NDRG3: variants seen among roughly 807,000 people sequenced by gnomAD.
NDRG3 encodes the protein protein NDRG3.
A neutral mutation model predicts 57.2 loss-of-function variants in NDRG3; 23 were observed. The ratio of observed to expected loss-of-function variants is 0.40; its 90% CI spans 0.29 to 0.57. NDRG3 has a LOEUF of 0.57. Among genes scored for constraint, NDRG3 ranks in the 20% least tolerant of loss-of-function variants. The pLI, the probability that NDRG3 is intolerant of heterozygous loss-of-function variation, is 0.42. For synonymous variants in NDRG3, 132 were observed against 162.6 expected, an observed-to-expected ratio of 0.81 and a Z score of 1.43; for missense variants, 384 against 457.3, an observed-to-expected ratio of 0.84 and a Z score of 1.46.
chr20:36,718,799 G>C (rs2148192360), intron 2 of NDRG3, among the ~76,000 whole-genome samples: 1 of 152,188 alleles, frequency 6.6e-6, no homozygotes, highest in Admixed American at 6.5e-5. Flanking sequence ...TCGCAGCTCA[G>C]CCTCCCAAGT....
chr20:36,742,231 C>T (rs1005012916), intron 1 of NDRG3, among the ~76,000 whole-genome samples: 1 of 152,180 alleles, frequency 6.6e-6, no homozygotes, highest in African/African-American at 2.4e-5. Flanking sequence ...ACCATAACCT[C>T]CTTGAAGACA....
At chr20:36,679,763 C>T (rs1981088462) in intron 8 of NDRG3, among the ~76,000 whole-genome samples, 1 of 152,028 alleles carries the variant, frequency 6.6e-6, no homozygotes, top group Admixed American at 6.6e-5. Flanking sequence ...CTTGACCTCC[C>T]AAAGTGCTGG....
At chr20:36,741,704 T>C (rs1200707608) in intron 1 of NDRG3, among the ~76,000 whole-genome samples, 1 of 152,194 alleles carries the variant, frequency 6.6e-6, no homozygotes, top group African/African-American at 2.4e-5. Context: ...AGTTTCTGAC[T>C]CTAGCTGCTC....
At chr20:36,664,662 C>T (rs1979465987) in intron 12 of NDRG3, among the ~76,000 whole-genome samples, 1 of 152,130 alleles carries the variant, frequency 6.6e-6, no homozygotes, top group Non-Finnish European at 1.5e-5. Context: ...CTAGTATTTA[C>T]CGACTGTTTC....
intron 3 of NDRG3, among the ~76,000 whole-genome samples, chr20:36,701,450 C>A (rs774775528): frequency 2.0e-4 from 31 of 151,412 alleles, no homozygotes; most frequent in Non-Finnish European, 3.8e-4. Flanking sequence ...GAGGCTGAAG[C>A]GGGAAGATTG....
intron 1 of NDRG3, among the ~76,000 whole-genome samples, chr20:36,729,648 C>G (rs1163323161): frequency 1.3e-5 from 2 of 152,098 alleles, no homozygotes; most frequent in Non-Finnish European, 1.5e-5. Context: ...TTACCTCACC[C>G]TTCCAAGTAG....
chr20:36,661,566 AG>A (rs1051677281), intron 12 of NDRG3, among the ~76,000 whole-genome samples: 7 of 152,218 alleles, frequency 4.6e-5, no homozygotes, highest in African/African-American at 1.7e-4. Flanking sequence ...TAAAGGGAAA[AG>A]GTGAGTGTTT....
intron 1 of NDRG3, among the ~76,000 whole-genome samples, chr20:36,734,004 G>A (rs1006764784): frequency 6.6e-6 from 1 of 152,314 alleles, no homozygotes; most frequent in African/African-American, 2.4e-5. Context: ...ATGGCACCGT[G>A]AGCTAAAACA....
At chr20:36,660,538 A>ATTTATT (rs1568622409) in intron 12 of NDRG3, among the ~76,000 whole-genome samples, 154 bp from the exon 13 acceptor site, 1 of 149,942 alleles carries the variant, frequency 6.7e-6, no homozygotes, top group African/African-American at 2.5e-5. Context: ...AGTGGGAGAT[A>ATTTATT]TATTTATTTA....
chr20:36,746,003 C>A, intron 1 of NDRG3, 42 bp downstream of exon 1: 2 of 309,858 alleles, frequency 6.5e-6, no homozygotes. Flanking sequence ...CCGAATGCGG[C>A]GCCGCGCGCC....
At chr20:36,705,921 T>A (rs919025510) in intron 3 of NDRG3, among the ~76,000 whole-genome samples, 18 of 151,972 alleles carry the variant, frequency 1.2e-4, no homozygotes, top group Non-Finnish European at 4.4e-5. Context: ...ATTTTTGTAT[T>A]TTTAGTAGAG....
chr20:36,704,697 C>T (rs1310788175), intron 3 of NDRG3, among the ~76,000 whole-genome samples: 2 of 152,144 alleles, frequency 1.3e-5, no homozygotes. Context: ...GAGCCATTGC[C>T]TACAGTGAAT....
At chr20:36,710,812 CA>C (rs35710822) in intron 2 of NDRG3, among the ~76,000 whole-genome samples, 111 of 91,536 alleles carry the variant, frequency 1.2e-3, no homozygotes, top group Admixed American at 2.2e-3. Context: ...GACTCCGTCT[CA>C]AAAAAAAAAA....
intron 8 of NDRG3, among the ~76,000 whole-genome samples, chr20:36,680,484 CAAA>C (rs71186011): frequency 2.4e-4 from 31 of 127,374 alleles, no homozygotes; most frequent in African/African-American, 6.2e-4. Flanking sequence ...GACTCCATCT[CAAA>C]AAAAAAAAAA....
chr20:36,733,346 C>T (rs980846707), intron 1 of NDRG3, among the ~76,000 whole-genome samples: 3 of 151,890 alleles, frequency 2.0e-5, no homozygotes, highest in East Asian at 3.9e-4. Context: ...CCAGGATGTG[C>T]TGACACCAGG....
At chr20:36,669,828 C>T (rs146587008) in intron 9 of NDRG3, among the ~76,000 whole-genome samples, 5 of 151,876 alleles carry the variant, frequency 3.3e-5, no homozygotes, top group African/African-American at 1.2e-4. Context: ...AAACACCTGA[C>T]CTCAAGTGGT....
At chr20:36,712,551 A>T (rs1221735129) in intron 2 of NDRG3, among the ~76,000 whole-genome samples, 1 of 96,550 alleles carries the variant, frequency 1.0e-5, no homozygotes, top group Non-Finnish European at 2.0e-5. Context: ...ATGTGCCACC[A>T]TGCCCGGCTA....
At chr20:36,660,072 G>T (rs1395944017) in intron 13 of NDRG3, among the ~76,000 whole-genome samples, 2 of 151,860 alleles carry the variant, frequency 1.3e-5, no homozygotes, top group African/African-American at 4.8e-5. Context: ...GCCGGGCATG[G>T]TGGCACGTGC....
At chr20:36,687,468 C>T in intron 5 of NDRG3, 24 bp downstream of exon 5, 1 of 1,610,292 alleles carries the variant, frequency 6.2e-7, no homozygotes, top group Non-Finnish European at 8.5e-7. Flanking sequence ...GCACGTCTCC[C>T]AGATGATCTT....
Sources: gnomAD v4.1 joint callset for allele counts (sites outside exome capture counted in the v4.1 genomes callset) on GRCh38, gnomAD v4.1.1 for gene constraint, MANE v1.5 for transcripts, NCBI Gene and HGNC (gene_info 2026-07-23, HGNC 2026-07-21) for gene names.